Variants in TMEM132B observed in about 807,000 individuals in gnomAD.
TMEM132B encodes the protein transmembrane protein 132B.
In TMEM132B, 18 loss-of-function variants were observed where a neutral mutation model predicts 90.8. The observed-to-expected ratio is 0.20, with a 90% CI of 0.14 to 0.29. TMEM132B has a LOEUF of 0.29. TMEM132B is among the 10% of genes least tolerant of loss of function. TMEM132B has a pLI of 1.00. For synonymous variants in TMEM132B, 504 were observed against 523.3 expected (o/e 0.96, Z 0.50); for missense variants, 1,096 against 1,326.8 (o/e 0.83, Z 2.70).
At chr12:125,526,666 G>A (rs981626910) in intron 4 of TMEM132B, among the ~76,000 whole-genome samples, 2 of 152,184 alleles carry the variant, frequency 1.3e-5, no homozygotes, top group African/African-American at 2.4e-5. Context: ...GACATTTTGG[G>A]TAGCAAGTCA....
At chr12:125,651,130 C>A (rs1349304815) in intron 7 of TMEM132B, among the ~76,000 whole-genome samples, 177 bp downstream of exon 7, 2 of 152,224 alleles carry the variant, frequency 1.3e-5, no homozygotes, top group Admixed American at 1.3e-4. Flanking sequence ...AGCAATAGAG[C>A]ATTCACCAAT....
chr12:125,533,674 C>G (rs1475303664), intron 4 of TMEM132B, among the ~76,000 whole-genome samples: 4 of 152,178 alleles, frequency 2.6e-5, no homozygotes, highest in Non-Finnish European at 5.9e-5. Context: ...GCGCCCTCCC[C>G]TCCCCGGCGG....
chr12:125,361,286 G>A (rs1460090498), intron 2 of TMEM132B, among the ~76,000 whole-genome samples: 1 of 152,068 alleles, frequency 6.6e-6, no homozygotes, highest in East Asian at 1.9e-4. Context: ...GAAGAAACAG[G>A]CTCAGAAATG....
At chr12:125,351,329 G>A (rs1198157634) in intron 2 of TMEM132B, among the ~76,000 whole-genome samples, 1 of 152,192 alleles carries the variant, frequency 6.6e-6, no homozygotes, top group Non-Finnish European at 1.5e-5. Context: ...TGCAATATAT[G>A]ATCATGTTGA....
intron 1 of TMEM132B, among the ~76,000 whole-genome samples, chr12:125,284,559 C>T (rs1394277932): frequency 6.6e-6 from 1 of 152,196 alleles, no homozygotes; most frequent in African/African-American, 2.4e-5. Context: ...AAGGGTCTTC[C>T]ATGCCAGTTT....
In TMEM132B at chr12:125,460,401, A is replaced by C. The variant is rs1338982353; in HGVS notation, c.1106+44724A>C. Among the ~76,000 whole-genome samples, 1 of 152,142 alleles carries C rather than the reference A, an allele frequency of 6.6e-6. No individual in the cohort carries two copies. The highest frequency in any genetic ancestry group is 1.5e-5 in the Non-Finnish European group (1 of 68,028). ...CAGCTACTCAGGAGGCTGAGGCAGG[A>C]CAATTGCTTGAACCCAGGAGGTGGA... On this transcript the variant is annotated intron_variant, in intron 3 of 8. Transcript: ENST00000682704. This position sits in a 1 kb window ranked among gnomAD's most constrained non-coding sequence, Gnocchi z 4.4.
chr12:125,563,819 G>A (rs1254491360), intron 4 of TMEM132B, among the ~76,000 whole-genome samples: 2 of 152,242 alleles, frequency 1.3e-5, no homozygotes, highest in African/African-American at 2.4e-5. Context: ...ATGTGAAGAT[G>A]CAGGCACCTT....
intron 1 of TMEM132B, among the ~76,000 whole-genome samples, chr12:125,278,326 G>A (rs1246216978): frequency 6.6e-6 from 1 of 152,168 alleles, no homozygotes; most frequent in Non-Finnish European, 1.5e-5. Context: ...AGACTGTGCT[G>A]ACCCTTATTC....
At chr12:125,599,300 G>A (rs780609826) in intron 5 of TMEM132B, among the ~76,000 whole-genome samples, 5 of 152,188 alleles carry the variant, frequency 3.3e-5, no homozygotes, top group Non-Finnish European at 4.4e-5. Flanking sequence ...CCGTGATTGT[G>A]AGGCCTCCCC....
chr12:125,589,264 C>T (rs181728762), intron 5 of TMEM132B, among the ~76,000 whole-genome samples: 4,103 of 152,014 alleles, frequency 0.027, 63 homozygotes, highest in African/African-American at 0.034. Flanking sequence ...GGGCAGATCA[C>T]GAGGTCAGGA....
At chr12:125,231,474 A>T (rs1873820000) in intron 1 of TMEM132B, among the ~76,000 whole-genome samples, 1 of 152,198 alleles carries the variant, frequency 6.6e-6, no homozygotes, top group Non-Finnish European at 1.5e-5. Context: ...GGAACTCCAG[A>T]GCTTACTTTG....
chr12:125,417,965 G>T (rs1214536088), intron 3 of TMEM132B, among the ~76,000 whole-genome samples: 1 of 152,144 alleles, frequency 6.6e-6, no homozygotes, highest in Non-Finnish European at 1.5e-5. Flanking sequence ...AGGGATTGTT[G>T]GTGGGCAGCA....
At chr12:125,646,163 G>A (rs1886759998) in intron 6 of TMEM132B, among the ~76,000 whole-genome samples, 1 of 152,218 alleles carries the variant, frequency 6.6e-6, no homozygotes, top group Non-Finnish European at 1.5e-5. Context: ...TGGTGACAGA[G>A]TGCTTAGCAA....
At chr12:125,372,070 C>T (rs1593109871) in intron 2 of TMEM132B, among the ~76,000 whole-genome samples, 1 of 152,360 alleles carries the variant, frequency 6.6e-6, no homozygotes, top group Middle Eastern at 3.4e-3. Flanking sequence ...AATTGCATTT[C>T]TTCCTGTCTG....
chr12:125,572,997 A>AT lies in TMEM132B; in HGVS notation c.1294-10846dup, dbSNP rs1171043237. ...ACTCTGCCTCTTGTGTCCTTTTGAC[A>AT]TTTTTTTTGAGCACTTTGTTACTTT... On this transcript the variant is annotated intron_variant, in intron 4 of 8. Transcript: ENST00000682704. Among the ~76,000 whole-genome samples the AT allele has an allele frequency of 6.6e-5, 10 of 152,114 alleles. No homozygotes were observed. The East Asian group carries it at 1.7e-3, about 27-fold the overall frequency.
intron 1 of TMEM132B, among the ~76,000 whole-genome samples, chr12:125,228,721 C>G (rs775831879): frequency 5.9e-5 from 9 of 152,154 alleles, no homozygotes; most frequent in African/African-American, 9.7e-5. Context: ...CGGCCGACCC[C>G]CTGTTGGCTG....
chr12:125,608,294 G>T (rs139551346), intron 5 of TMEM132B, among the ~76,000 whole-genome samples: 2 of 152,230 alleles, frequency 1.3e-5, no homozygotes, highest in East Asian at 1.9e-4. Context: ...GTGTCAAGGG[G>T]CATCAAATTG....
At chr12:125,561,963 T>A (rs747287071) in intron 4 of TMEM132B, among the ~76,000 whole-genome samples, 4 of 152,172 alleles carry the variant, frequency 2.6e-5, no homozygotes, top group Non-Finnish European at 5.9e-5. Context: ...GGCATTGGCT[T>A]CTCTTCTCTA....
At chr12:125,351,029 G>T (rs192683128) in intron 2 of TMEM132B, among the ~76,000 whole-genome samples, 21 of 152,324 alleles carry the variant, frequency 1.4e-4, no homozygotes, top group Non-Finnish European at 2.1e-4. Flanking sequence ...TTTGGATGGA[G>T]TTGTCATGTG....
Sources: allele counts gnomAD v4.1 joint callset (sites outside exome capture counted in the v4.1 genomes callset), GRCh38; gene constraint gnomAD v4.1.1; non-coding constraint Gnocchi (gnomAD v3.1); transcripts MANE v1.5; gene names NCBI Gene and HGNC (gene_info 2026-07-23, HGNC 2026-07-21).